The following COL22A1 variants were observed in gnomAD, a reference collection of about 807,000 sequenced individuals.
The protein encoded by COL22A1 is collagen type XXII alpha 1 chain.
Under a neutral mutation model 248.9 loss-of-function variants are expected in COL22A1, and 221 were observed. The ratio of observed to expected loss-of-function variants is 0.89; its 90% CI spans 0.80 to 0.99. The LOEUF (loss-of-function observed/expected upper bound fraction) is 0.99, where lower values mean the gene tolerates loss of function less well. COL22A1 is among the 50% of genes least tolerant of loss of function. The pLI is 0.00. For missense variants in COL22A1, 2,240 were observed against 2,179.0 expected, an observed-to-expected ratio of 1.03 and a Z score of -0.56; for synonymous variants, 891 against 793.4, an observed-to-expected ratio of 1.12 and a Z score of -2.07.
intron 12 of COL22A1, among the ~76,000 whole-genome samples, chr8:138,790,836 A>AT (rs554969387): frequency 3.3e-5 from 5 of 151,732 alleles, no homozygotes; most frequent in Non-Finnish European, 5.9e-5. Flanking sequence ...GGTCAGAGTG[A>AT]TTTTTTTTAA....
chr8:138,829,868 T>G (rs1819895831), intron 5 of COL22A1, among the ~76,000 whole-genome samples: 1 of 152,252 alleles, frequency 6.6e-6, no homozygotes, highest in South Asian at 2.1e-4. Flanking sequence ...TATCTGTTAA[T>G]GACTTTTTAT....
chr8:138,598,889 C>T lies in COL22A1; in HGVS notation c.4195G>A (p.Gly1399Arg), dbSNP rs1817761794. 6.2e-7 allele frequency: 1 copy of T among 1,613,964 alleles called. No individual in the cohort carries two copies. Among genetic ancestry groups the T allele is most frequent in the East Asian group, 2.2e-5 (1 of 44,878 alleles). ...GGAGGTCCTTTGTCACCTTTGATCC[C>T]AGGATCTCCCTAAGGAGGAAATAAG... ...PGFKGERGDP[G>R]IKGDKGPPGG... is the part of the protein sequence containing the mutation. The change falls in exon 61 of 65, where the codon GGG (glycine) becomes AGG (arginine). Residue 1399 changes from glycine (G) to arginine (R), a missense_variant. Gly to Arg is a moderately radical substitution (Grantham distance 125, BLOSUM62 -2). Coordinates refer to ENST00000303045, the MANE Select transcript of COL22A1 (RefSeq NM_152888.3).
chr8:138,820,838 G>A (rs895509390), intron 7 of COL22A1, among the ~76,000 whole-genome samples: 21 of 152,102 alleles, frequency 1.4e-4, no homozygotes, highest in South Asian at 4.2e-4. Flanking sequence ...TCTCTTTTGC[G>A]GGTACCGGTG....
intron 50 of COL22A1, among the ~76,000 whole-genome samples, chr8:138,627,715 A>G (rs1294274270): frequency 1.3e-5 from 2 of 152,040 alleles, no homozygotes; most frequent in African/African-American, 2.4e-5. Context: ...TGGTCACAAC[A>G]CTACAATACA....
intron 6 of COL22A1, among the ~76,000 whole-genome samples, chr8:138,822,048 G>GTTTTA (rs1819185336): frequency 6.6e-6 from 1 of 152,060 alleles, no homozygotes; most frequent in South Asian, 2.1e-4. Flanking sequence ...GTTTTGTTTT[G>GTTTTA]TTTTGTTTTG....
intron 3 of COL22A1, among the ~76,000 whole-genome samples, chr8:138,858,358 T>C (rs1360215739): frequency 2.0e-5 from 3 of 152,162 alleles, no homozygotes; most frequent in African/African-American, 7.2e-5. Context: ...TTTTTTCTTT[T>C]TCTTTGTTTT....
intron 27 of COL22A1, among the ~76,000 whole-genome samples, chr8:138,719,377 T>TG (rs201906965): frequency 0.011 from 1,704 of 152,108 alleles, 11 homozygotes; most frequent in Non-Finnish European, 0.014. Context: ...TCGGTGGCCA[T>TG]GGGGGGACTT....
At chr8:138,815,049 C>T (rs1240162712) in intron 7 of COL22A1, among the ~76,000 whole-genome samples, 3 of 152,116 alleles carry the variant, frequency 2.0e-5, no homozygotes, top group South Asian at 2.1e-4. Context: ...GTTCTATAAA[C>T]GGGAGCTCCC....
At chr8:138,890,963 C>T (rs1349904902) in intron 1 of COL22A1, among the ~76,000 whole-genome samples, 1 of 151,800 alleles carries the variant, frequency 6.6e-6, no homozygotes, top group Non-Finnish European at 1.5e-5. Context: ...GTGGAGGTTG[C>T]AGTGAGCTGA....
chr8:138,648,378 C>T (rs1822392312), intron 46 of COL22A1, among the ~76,000 whole-genome samples: 3 of 152,326 alleles, frequency 2.0e-5, no homozygotes, highest in South Asian at 2.1e-4. Flanking sequence ...TAAAGGTCAT[C>T]TTTCACATCT....
chr8:138,902,470 G>A (rs2132163868), intron 1 of COL22A1, among the ~76,000 whole-genome samples: 1 of 152,156 alleles, frequency 6.6e-6, no homozygotes, highest in East Asian at 1.9e-4. Flanking sequence ...GGCCGAGGTG[G>A]GCGGATCATG....
Position 138,626,299 on chromosome 8 carries a change from T to C in COL22A1, c.3664-56A>G, listed in dbSNP as rs529814345. 4.3e-6 allele frequency: 6 copies of C among 1,398,308 alleles called. No homozygotes were observed. In the Admixed American group the frequency reaches 1.1e-4, roughly 24 times the overall value. 86.6% of individuals were successfully genotyped at this position (1,398,308 alleles called of 1,614,324 possible). ...AAACCTCTGCTGGCTTTTCTGGAAG[T>C]AAATGACTTCACAAGGAACTGCATT... On this transcript the variant is annotated intron_variant, in intron 50 of 64. Transcript: ENST00000303045.
chr8:138,737,624 A>C, intron 22 of COL22A1, 47 bp from the exon 23 acceptor site: 1 of 1,292,578 alleles, frequency 7.7e-7, no homozygotes, highest in Non-Finnish European at 1.1e-6. Context: ...GCAATTGTCA[A>C]CCAGAGGGGG....
intron 23 of COL22A1, among the ~76,000 whole-genome samples, chr8:138,725,949 G>A (rs1830274886): frequency 6.6e-6 from 1 of 152,172 alleles, no homozygotes; most frequent in Admixed American, 6.5e-5. Flanking sequence ...GGGTGAGTGG[G>A]TCTCGCATCT....
chr8:138,890,272 C>T (rs1258191744), intron 1 of COL22A1, among the ~76,000 whole-genome samples: 1 of 152,152 alleles, frequency 6.6e-6, no homozygotes, highest in East Asian at 1.9e-4. Flanking sequence ...TCACAGCTAA[C>T]GTCATCCTCA....
At chr8:138,910,642 A>G (rs912536956) in intron 1 of COL22A1, among the ~76,000 whole-genome samples, 1 of 150,006 alleles carries the variant, frequency 6.7e-6, no homozygotes, top group African/African-American at 2.5e-5. Flanking sequence ...GGATTGGCTG[A>G]AAAAAAAAAT....
chr8:138,692,315 TGCATGC>T, intron 35 of COL22A1, among the ~76,000 whole-genome samples: 1 of 17,854 alleles, frequency 5.6e-5, no homozygotes, highest in South Asian at 1.4e-3. Flanking sequence ...TGTATGTGTG[TGCATGC>T]GTGTGCATGT....
At chr8:138,693,741 A>T in intron 34 of COL22A1, 42 bp from the exon 35 acceptor site, 1 of 1,546,316 alleles carries the variant, frequency 6.5e-7, no homozygotes. Context: ...AGACACCCTC[A>T]GTGATGCTGT....
intron 1 of COL22A1, among the ~76,000 whole-genome samples, chr8:138,890,931 G>A (rs1034867573): frequency 6.6e-6 from 1 of 152,012 alleles, no homozygotes; most frequent in Non-Finnish European, 1.5e-5. Flanking sequence ...GCTGAGGCAG[G>A]ATGATTGCTT....
Sources: allele counts gnomAD v4.1 joint callset (sites outside exome capture counted in the v4.1 genomes callset), GRCh38; gene constraint gnomAD v4.1.1; transcripts MANE v1.5; gene names NCBI Gene and HGNC (gene_info 2026-07-23, HGNC 2026-07-21).